The following GPD2 variants were observed in gnomAD, a reference collection of about 807,000 sequenced individuals.
GPD2 encodes glycerol-3-phosphate dehydrogenase 2.
GPD2 carries 54 observed loss-of-function variants against 82.4 expected under a neutral mutation model. That is an observed-to-expected ratio of 0.66 (90% confidence interval 0.53 to 0.82). The LOEUF (loss-of-function observed/expected upper bound fraction) is 0.82. Ranked by LOEUF, GPD2 falls within the 40% of genes least tolerant of loss-of-function variation. GPD2 has a pLI of 0.00. For synonymous variants in GPD2, 288 were observed against 306.1 expected, an observed-to-expected ratio of 0.94 and a Z score of 0.62; for missense variants, 748 against 896.2, an observed-to-expected ratio of 0.83 and a Z score of 2.11.
chr2:156,568,705 T>C (rs1687479905), intron 9 of GPD2, 120 bp from the exon 10 acceptor site: 3 of 818,748 alleles, frequency 3.7e-6, no homozygotes, highest in Non-Finnish European at 4.2e-6. Context: ...AGGCTTTCTC[T>C]CCTTTTTAAA....
the GPD2 span, among the ~76,000 whole-genome samples, chr2:156,427,277 G>C: frequency 2.6e-5 from 4 of 152,304 alleles, no homozygotes; most frequent in Non-Finnish European, 4.4e-5. Context: ...AAGAGGAACT[G>C]AGTGGTATAG....
intron 1 of GPD2, among the ~76,000 whole-genome samples, chr2:156,459,260 G>A (rs553664154): frequency 6.6e-6 from 1 of 152,144 alleles, no homozygotes; most frequent in East Asian, 1.9e-4. Flanking sequence ...AGTCAGAGTG[G>A]GTTAAGGGGA....
At chr2:156,435,998 C>G (rs1419884347), upstream of GPD2, among the ~76,000 whole-genome samples, 1 of 152,192 alleles carries the variant, frequency 6.6e-6, no homozygotes, top group Non-Finnish European at 1.5e-5. Context: ...CCGGCATCGC[C>G]GAGGCACAAA....
At chr2:156,434,973 T>C (rs111768862), upstream of GPD2, among the ~76,000 whole-genome samples, 2,185 of 152,320 alleles carry the variant, frequency 0.014, 29 homozygotes, top group Non-Finnish European at 0.021. Context: ...TCATTGGACT[T>C]GGGGATGGAA....
chr2:156,422,318 G>T, the GPD2 span, among the ~76,000 whole-genome samples: 525 of 152,180 alleles, frequency 3.4e-3, 2 homozygotes, highest in Non-Finnish European at 6.4e-3. Context: ...GAATCAACTG[G>T]ACAAGGAAAC....
intron 9 of GPD2, among the ~76,000 whole-genome samples, chr2:156,561,715 GA>G (rs1433161528): frequency 6.6e-6 from 1 of 152,116 alleles, no homozygotes; most frequent in Non-Finnish European, 1.5e-5. Context: ...CACCAGGGTT[GA>G]AATAATCATT....
At chr2:156,534,448 G>A (rs1288183509) in intron 6 of GPD2, among the ~76,000 whole-genome samples, 1 of 152,200 alleles carries the variant, frequency 6.6e-6, no homozygotes, top group Non-Finnish European at 1.5e-5. Context: ...TGAGGGTGGG[G>A]CCTTTGCCAG....
intron 1 of GPD2, among the ~76,000 whole-genome samples, chr2:156,458,169 T>TGGGGAGAGAGAG (rs1330275627): frequency 1.5e-4 from 23 of 152,172 alleles, no homozygotes; most frequent in African/African-American, 4.8e-4. Context: ...TATCACAGGG[T>TGGGGAGAGAGAG]GGGGAGAGAG....
chr2:156,550,676 G>A lies in GPD2; in HGVS notation c.901G>A (p.Asp301Asn). 3 of 1,613,904 alleles carry A rather than the reference G, an allele frequency of 1.9e-6. No individual in the cohort carries two copies. Among genetic ancestry groups the A allele is most frequent in the Non-Finnish European group, 2.5e-6 (3 of 1,179,782 alleles). The change falls in exon 8 of 17, where the codon GAT (aspartate) becomes AAT (asparagine). Residue 301 changes from aspartate (D) to asparagine (N), a missense_variant. Around this residue, in one of 3 missense-constraint regions of GPD2, gnomAD observed 692 missense variants for 809.7 expected, o/e 0.85. Transcript: ENST00000438166. ...GPFTDSVRKM[D>N]DKDAAAICQP... ...TTTCACGGACTCTGTGCGCAAAATGGATGATAAAGACGCAGCAGCTATCTG... is the reference window on the plus strand; with the variant it reads ...TTTCACGGACTCTGTGCGCAAAATGAATGATAAAGACGCAGCAGCTATCTG...
chr2:156,573,086 A>G (rs1010950177), intron 13 of GPD2, among the ~76,000 whole-genome samples: 1 of 152,174 alleles, frequency 6.6e-6, no homozygotes, highest in Non-Finnish European at 1.5e-5. Context: ...AAGTATTCTC[A>G]TTCTGGTATA....
intron 1 of GPD2, among the ~76,000 whole-genome samples, chr2:156,463,300 A>G (rs1683049726): frequency 6.6e-6 from 1 of 152,066 alleles, no homozygotes; most frequent in African/African-American, 2.4e-5. Context: ...TTAACTGTAT[A>G]CTCCACTCAG....
At chr2:156,555,906 G>A (rs1466261754) in intron 8 of GPD2, among the ~76,000 whole-genome samples, 2 of 152,176 alleles carry the variant, frequency 1.3e-5, no homozygotes, top group East Asian at 3.8e-4. Context: ...TCTCCGATGT[G>A]TCTCAGATAG....
At chr2:156,429,915 T>C in the GPD2 span, among the ~76,000 whole-genome samples, 3 of 152,220 alleles carry the variant, frequency 2.0e-5, no homozygotes, top group Non-Finnish European at 4.4e-5. Context: ...GACAGCACTG[T>C]TAATCTTTTA....
At chr2:156,448,555 AT>A (rs1241693289) in intron 1 of GPD2, among the ~76,000 whole-genome samples, 1 of 152,238 alleles carries the variant, frequency 6.6e-6, no homozygotes, top group African/African-American at 2.4e-5. Context: ...TAAGAGTTGT[AT>A]GCATACTTTG....
intron 1 of GPD2, among the ~76,000 whole-genome samples, chr2:156,450,340 C>T (rs891002019): frequency 1.3e-5 from 2 of 152,068 alleles, no homozygotes; most frequent in African/African-American, 2.4e-5. Flanking sequence ...GAATTATTTG[C>T]ATATAGGTTA....
intron 2 of GPD2, chr2:156,495,692 G>A: frequency 2.5e-6 from 1 of 407,720 alleles, no homozygotes; most frequent in Admixed American, 3.4e-5. Flanking sequence ...CTAGTACTGG[G>A]TAAAAAAATC....
chr2:156,496,088 A>C lies in GPD2; in HGVS notation c.147A>C (p.Pro49=), dbSNP rs1294097822. Residue 49 remains proline, a synonymous_variant, in exon 3 of 17, where the codon CCA becomes CCC. Transcript: ENST00000438166. ...YVKAADCISE[P]VNREPPSREA... ...AAGCAGCAGACTGCATTTCAGAACC[A>C]GTTAACAGGGAGCCTCCTTCCAGAG... 6.2e-7 allele frequency: 1 copy of C among 1,613,080 alleles called. No individual in the cohort carries two copies. The highest frequency in any genetic ancestry group is 1.1e-5 in the South Asian group (1 of 91,060).
At position 156,583,044 on chromosome 2, in the gene GPD2, A is replaced by G. The variant is rs1688086869; in HGVS notation, c.*126A>G. 3.0e-6 allele frequency: 3 copies of G among 1,011,286 alleles called. No homozygotes were observed. The highest frequency in any genetic ancestry group is 5.1e-5 in the East Asian group (2 of 39,148). 62.6% of individuals were successfully genotyped at this position (1,011,286 alleles called of 1,614,324 possible). On this transcript the variant is annotated 3_prime_UTR_variant, in exon 17 of 17. Transcript: ENST00000438166. ...GCTGCCTTTTTTAACACTAGAAAAC[A>G]TTCCAAAACTTTAAGGTGTTGGTGT... is the stretch of plus-strand genomic sequence containing the variant.
chr2:156,572,626 A>G (rs2105368786), intron 13 of GPD2, among the ~76,000 whole-genome samples: 1 of 152,306 alleles, frequency 6.6e-6, no homozygotes, highest in Non-Finnish European at 1.5e-5. Context: ...ATGAGATTAT[A>G]TAGGGAGTTA....
Sources: allele counts gnomAD v4.1 joint callset (sites outside exome capture counted in the v4.1 genomes callset), GRCh38; gene constraint gnomAD v4.1.1; regional missense constraint gnomAD v4.1.1; transcripts MANE v1.5; gene names NCBI Gene and HGNC (gene_info 2026-07-23, HGNC 2026-07-21).